COL13A1: variants seen among roughly 807,000 people sequenced by gnomAD.
COL13A1 encodes collagen alpha-1(XIII) chain.
A neutral mutation model predicts 130.9 loss-of-function variants in COL13A1; 89 were observed. That is an observed-to-expected ratio of 0.68 (90% CI 0.57 to 0.81). The LOEUF is 0.81. COL13A1 is among the 30% of genes least tolerant of loss of function. The pLI is 0.00. For synonymous variants in COL13A1, 402 were observed against 341.6 expected (o/e 1.18, Z -1.95); for missense variants, 879 against 934.6 (o/e 0.94, Z 0.78).
intron 36 of COL13A1, 74 bp downstream of exon 36, chr10:69,944,252 C>A: frequency 8.0e-7 from 1 of 1,246,754 alleles, no homozygotes; most frequent in Non-Finnish European, 1.2e-6. Flanking sequence ...CCAGGGGTCT[C>A]AGCCCTCATG....
chr10:69,805,246 C>CGGCT (rs1386847636), intron 1 of COL13A1, among the ~76,000 whole-genome samples: 12 of 152,220 alleles, frequency 7.9e-5, no homozygotes, highest in Non-Finnish European at 1.3e-4. Context: ...TGAGTGCTTA[C>CGGCT]GGCTGGCAAA....
chr10:69,921,176 C>G (rs1406506032), intron 21 of COL13A1, among the ~76,000 whole-genome samples: 1 of 152,200 alleles, frequency 6.6e-6, no homozygotes, highest in African/African-American at 2.4e-5. Context: ...CTCCAAGCCT[C>G]TCTCCCGGCT....
At chr10:69,852,502 C>T (rs1202865734) in intron 2 of COL13A1, among the ~76,000 whole-genome samples, 2 of 152,258 alleles carry the variant, frequency 1.3e-5, no homozygotes, top group African/African-American at 4.8e-5. Flanking sequence ...TAGAAGATGT[C>T]TTTTCTACCT....
Position 69,889,463 on chromosome 10 carries a change from T to C in COL13A1, c.603+23T>C, listed in dbSNP as rs752913721. 12 of 1,609,518 alleles carry C rather than the reference T, an allele frequency of 7.5e-6. No individual in the cohort carries two copies. The South Asian group carries it at 1.3e-4, about 18-fold the overall frequency. Reference sequence around the variant, plus strand: ...ATGGTAAGAGCCCAGCTTTCCTGCCTTCCCGAGATGGGTGGGGGTTGGCCC... The same window carrying C: ...ATGGTAAGAGCCCAGCTTTCCTGCCCTCCCGAGATGGGTGGGGGTTGGCCC... On this transcript the variant is annotated intron_variant, in intron 10 of 40. Coordinates refer to ENST00000645393, the MANE Select transcript of COL13A1 (RefSeq NM_001368882.1).
intron 40 of COL13A1, 135 bp downstream of exon 40, chr10:69,957,177 G>T: frequency 1.3e-6 from 1 of 740,938 alleles, no homozygotes; most frequent in Non-Finnish European, 2.4e-6. Flanking sequence ...AAGGCAGGGT[G>T]CCCATTAAAC....
At chr10:69,954,488 C>A (rs1444465551) in intron 39 of COL13A1, among the ~76,000 whole-genome samples, 2 of 152,200 alleles carry the variant, frequency 1.3e-5, no homozygotes, top group East Asian at 3.8e-4. Flanking sequence ...GAGCACCTAG[C>A]GAAACATGTG....
chr10:69,937,134 T>TG (rs775613611), intron 33 of COL13A1, among the ~76,000 whole-genome samples: 1 of 152,060 alleles, frequency 6.6e-6, no homozygotes, highest in Non-Finnish European at 1.5e-5. Context: ...GGGTCAAGCT[T>TG]GGGGGGACTC....
intron 17 of COL13A1, 78 bp from the exon 18 acceptor site, chr10:69,917,211 C>T: frequency 1.3e-6 from 2 of 1,574,742 alleles, no homozygotes; most frequent in Non-Finnish European, 1.7e-6. Context: ...CCAGACAAGA[C>T]ATTCTCACCG....
At chr10:69,897,422 C>T in intron 13 of COL13A1, 1 of 1,590,792 alleles carries the variant, frequency 6.3e-7, no homozygotes, top group South Asian at 1.1e-5. Flanking sequence ...TGGGCTCTCC[C>T]CTCACGGTCC....
chr10:69,867,747 C>G (rs541948369), intron 2 of COL13A1, 51 bp from the exon 3 acceptor site: 1 of 716,942 alleles, frequency 1.4e-6, no homozygotes, highest in African/African-American at 1.8e-5. Context: ...GCCTCCCCAC[C>G]GCCCCCTACA....
rs774445102 is a variant in COL13A1 at position 69,956,884 on chromosome 10, G to A, written c.2146-120G>A. The A allele has an allele frequency of 5.2e-5, 38 of 735,540 alleles. 1 individual carries two copies. The highest frequency in any genetic ancestry group is 2.5e-4 in the South Asian group (16 of 65,188). The allele number at this position is 735,540 out of a possible 1,614,324, so 45.6% of individuals were successfully genotyped here. A position where few individuals can be genotyped will look rare whatever the true frequency, so the allele number is the denominator to read the frequency against. ...TAGTAGAGAAAAGAAATAGACAAGC[G>A]TGGGTGGGCCACATCCTGATCAGCT... is the stretch of plus-strand genomic sequence containing the variant. On this transcript the variant is annotated intron_variant, in intron 39 of 40. Transcript: ENST00000645393.
Position 69,926,921 on chromosome 10 carries a change from G to A in COL13A1, c.1399-166G>A, listed in dbSNP as rs2274178. ...TACAAACCTCAGCGAGAGGTGGGGT[G>A]GGGGTGGTGTGAGTCTGGGGGCCAT... On this transcript the variant is annotated intron_variant, in intron 26 of 40. Coordinates refer to ENST00000645393, the MANE Select transcript of COL13A1 (RefSeq NM_001368882.1). Among the ~76,000 whole-genome samples, 34,866 of 152,010 alleles carry A rather than the reference G, an allele frequency of 0.23. 4,078 individuals carry two copies. Among genetic ancestry groups the A allele is most frequent in the Admixed American group, 0.34 (5,243 of 15,284 alleles).
intron 5 of COL13A1, among the ~76,000 whole-genome samples, chr10:69,876,493 A>C (rs1424850783): frequency 1.3e-5 from 2 of 152,110 alleles, no homozygotes; most frequent in Non-Finnish European, 1.5e-5. Context: ...CTGTCTATGG[A>C]GGCATGCAGG....
intron 1 of COL13A1, among the ~76,000 whole-genome samples, chr10:69,812,632 C>T (rs1843355439): frequency 6.6e-6 from 1 of 152,136 alleles, no homozygotes; most frequent in Non-Finnish European, 1.5e-5. Context: ...GGTTACTTGG[C>T]CCCTCTCTGT....
intron 2 of COL13A1, among the ~76,000 whole-genome samples, chr10:69,867,121 CT>C (rs1022796915): frequency 2.2e-4 from 33 of 152,240 alleles, no homozygotes; most frequent in Middle Eastern, 3.4e-3. Context: ...AGGGCTGCTG[CT>C]GCGGCCGTGG....
rs765112949 is a variant in COL13A1 at position 69,880,556 on chromosome 10, A to G, written c.513+3A>G. 1 of 1,612,814 alleles carries G rather than the reference A, an allele frequency of 6.2e-7. No homozygotes were observed. The highest frequency in any genetic ancestry group is 1.1e-5 in the South Asian group (1 of 91,012). On this transcript the variant is annotated splice_donor_region_variant and intron_variant, in intron 7 of 40. Coordinates refer to ENST00000645393, the MANE Select transcript of COL13A1 (RefSeq NM_001368882.1). ...TCATTGGTCCCCGCGGCCCCCCTGT[A>G]AGTTGTTTTTGCTCTTCCTCGGGGT...
intron 34 of COL13A1, among the ~76,000 whole-genome samples, chr10:69,939,910 A>G (rs1274830131): frequency 6.6e-6 from 1 of 152,160 alleles, no homozygotes; most frequent in African/African-American, 2.4e-5. Flanking sequence ...CTTTTCCATG[A>G]AGCAGCAGCT....
At chr10:69,886,611 A>AG (rs2060614244) in intron 7 of COL13A1, among the ~76,000 whole-genome samples, 1 of 152,178 alleles carries the variant, frequency 6.6e-6, no homozygotes, top group Admixed American at 6.5e-5. Flanking sequence ...TGAACATGGT[A>AG]GAAAGGAGCC....
chr10:69,864,698 C>A (rs1859299621), intron 2 of COL13A1, among the ~76,000 whole-genome samples: 1 of 152,214 alleles, frequency 6.6e-6, no homozygotes, highest in African/African-American at 2.4e-5. Flanking sequence ...CCCCAGAATT[C>A]TTCATGGGGG....
Sources: allele counts gnomAD v4.1 joint callset (sites outside exome capture counted in the v4.1 genomes callset), GRCh38; gene constraint gnomAD v4.1.1; transcripts MANE v1.5; gene names NCBI Gene and HGNC (gene_info 2026-07-23, HGNC 2026-07-21).